Variants in FTO observed in about 807,000 individuals in gnomAD.
FTO encodes the protein FTO alpha-ketoglutarate dependent dioxygenase, also known as alpha-ketoglutarate-dependent dioxygenase FTO.
A neutral mutation model predicts 63.9 loss-of-function variants in FTO; 47 were observed. That is an observed-to-expected ratio of 0.74 (90% confidence interval 0.58 to 0.94). FTO has a LOEUF of 0.94. Ranked by LOEUF, FTO falls within the 40% of genes least tolerant of loss-of-function variation. The pLI is 0.00. For missense variants in FTO, 562 were observed against 618.1 expected (o/e 0.91, Z 0.96); for synonymous variants, 207 against 224.4 (o/e 0.92, Z 0.69).
At chr16:53,889,602 G>A (rs144601277) in intron 7 of FTO, among the ~76,000 whole-genome samples, 1 of 152,142 alleles carries the variant, frequency 6.6e-6, no homozygotes, top group Non-Finnish European at 1.5e-5. Context: ...CACTTGAGCC[G>A]GCTGGGATGG....
intron 7 of FTO, among the ~76,000 whole-genome samples, chr16:53,926,771 A>G (rs2082148222): frequency 6.6e-6 from 1 of 152,202 alleles, no homozygotes; most frequent in African/African-American, 2.4e-5. Context: ...GAAACAGAAG[A>G]TGATAGAAGA....
chr16:54,053,993 G>A (rs1189504184), intron 8 of FTO, among the ~76,000 whole-genome samples: 6 of 151,746 alleles, frequency 4.0e-5, no homozygotes, highest in East Asian at 3.9e-4. Flanking sequence ...CCGATTCCCC[G>A]TGCACTTAGA....
intron 3 of FTO, among the ~76,000 whole-genome samples, chr16:53,834,314 G>A (rs898901389): frequency 2.0e-5 from 3 of 152,236 alleles, no homozygotes; most frequent in South Asian, 2.1e-4. Flanking sequence ...GTGAGCCACC[G>A]CGCCCGGCCT....
At chr16:53,858,902 G>A (rs1383983051) in intron 4 of FTO, among the ~76,000 whole-genome samples, 4 of 151,920 alleles carry the variant, frequency 2.6e-5, no homozygotes, top group East Asian at 1.9e-4. Context: ...CTCATGATCC[G>A]CCCACCTCGG....
intron 4 of FTO, among the ~76,000 whole-genome samples, chr16:53,863,845 C>T (rs1332844369): frequency 6.6e-6 from 1 of 152,206 alleles, no homozygotes; most frequent in Non-Finnish European, 1.5e-5. Flanking sequence ...TTTGGAGAGA[C>T]AATCACCTGT....
At chr16:54,076,843 G>C (rs1185787049) in intron 8 of FTO, among the ~76,000 whole-genome samples, 1 of 152,180 alleles carries the variant, frequency 6.6e-6, no homozygotes, top group Non-Finnish European at 1.5e-5. Context: ...AATAATGGAT[G>C]CTTAGGATTT....
At chr16:54,060,538 A>G (rs1239171107) in intron 8 of FTO, among the ~76,000 whole-genome samples, 26 of 152,238 alleles carry the variant, frequency 1.7e-4, no homozygotes, top group Admixed American at 1.7e-3. Context: ...ACTAGGAAGT[A>G]GTGCTGGGAT....
chr16:53,871,303 T>G (rs1022936843), intron 4 of FTO, among the ~76,000 whole-genome samples: 6 of 152,216 alleles, frequency 3.9e-5, no homozygotes, highest in Non-Finnish European at 8.8e-5. Flanking sequence ...AATGGCTTAA[T>G]ATTGTCCTGG....
intron 7 of FTO, among the ~76,000 whole-genome samples, chr16:53,921,936 G>A (rs2082016341): frequency 6.6e-6 from 1 of 152,004 alleles, no homozygotes; most frequent in Non-Finnish European, 1.5e-5. Flanking sequence ...AGGTAACAGC[G>A]AGCTAGAGAT....
chr16:53,839,699 A>G (rs2151807819), intron 3 of FTO, among the ~76,000 whole-genome samples: 1 of 152,194 alleles, frequency 6.6e-6, no homozygotes, highest in African/African-American at 2.4e-5. Context: ...ACGCAGTGGC[A>G]TTAAAACTTC....
intron 2 of FTO, among the ~76,000 whole-genome samples, chr16:53,814,217 A>G (rs774587429): frequency 6.6e-6 from 1 of 152,230 alleles, no homozygotes; most frequent in African/African-American, 2.4e-5. Flanking sequence ...GCAGAAAAGC[A>G]GAGAGAACTT....
chr16:53,889,829 T>C (rs2072639300), intron 7 of FTO, among the ~76,000 whole-genome samples: 1 of 148,328 alleles, frequency 6.7e-6, no homozygotes, highest in South Asian at 2.1e-4. Flanking sequence ...ATTTAAATAA[T>C]AGTAATAATA....
At position 54,049,565 on chromosome 16, in the gene FTO, C is replaced by T. The variant is rs78415663; in HGVS notation, c.1365-62197C>T. ...GAAATGGCCATGTTTACATATAGCT[C>T]CTGCTGGTGGGAGGGCTTGAGGAAA... On this transcript the variant is annotated intron_variant, in intron 8 of 8. Transcript: ENST00000471389. Among the ~76,000 whole-genome samples the T allele has an allele frequency of 5.6e-3, 857 of 152,264 alleles. 5 individuals carry two copies. The highest frequency in any genetic ancestry group is 0.016 in the African/African-American group (662 of 41,554).
intron 1 of FTO, among the ~76,000 whole-genome samples, chr16:53,789,455 T>C (rs1330001874): frequency 6.6e-6 from 1 of 152,164 alleles, no homozygotes. Context: ...TTTCCTAACT[T>C]TGAAGCTAGA....
At chr16:54,061,271 C>T (rs2085563030) in intron 8 of FTO, among the ~76,000 whole-genome samples, 1 of 152,188 alleles carries the variant, frequency 6.6e-6, no homozygotes, top group South Asian at 2.1e-4. Context: ...CCTGGTTCTG[C>T]AGCCTTGTCC....
rs770938663 is a variant in FTO, at chr16:53,826,055, C to T, written c.315C>T (p.Thr105=). ...SRILIGNPGC[T]YKYLNTRLFT... ...TCCTCATTGGTAATCCAGGCTGCAC[C>T]TACAAGTACCTGAACACCAGGCTCT... The change falls in exon 3 of 9, where the codon ACC becomes ACT. Residue 105 remains threonine, a synonymous_variant. Transcript: ENST00000471389. 2.5e-6 allele frequency: 4 copies of T among 1,614,028 alleles called. No homozygotes were observed. The highest frequency in any genetic ancestry group is 3.4e-6 in the Non-Finnish European group (4 of 1,180,032).
At chr16:53,991,772 C>T (rs1296555708) in intron 8 of FTO, 4 of 152,162 alleles carry the variant, frequency 2.6e-5, no homozygotes, top group African/African-American at 9.7e-5. Flanking sequence ...CATAATTCTT[C>T]CTTCATTCAG....
At chr16:53,970,554 G>A (rs1323838628) in intron 8 of FTO, among the ~76,000 whole-genome samples, 2 of 145,400 alleles carry the variant, frequency 1.4e-5, no homozygotes, top group East Asian at 2.0e-4. Context: ...TTGCACCATT[G>A]TACTCCAGCC....
At chr16:53,987,972 T>C (rs2083711488) in intron 8 of FTO, among the ~76,000 whole-genome samples, 1 of 152,232 alleles carries the variant, frequency 6.6e-6, no homozygotes, top group Non-Finnish European at 1.5e-5. Flanking sequence ...TACCCCCACA[T>C]TTTTGTGTGT....
Sources: allele counts gnomAD v4.1 joint callset (sites outside exome capture counted in the v4.1 genomes callset), GRCh38; gene constraint gnomAD v4.1.1; transcripts MANE v1.5; gene names NCBI Gene and HGNC (gene_info 2026-07-23, HGNC 2026-07-21).